Variants in OAS2 observed in about 807,000 individuals in gnomAD.
OAS2 encodes the protein 2'-5'-oligoadenylate synthetase 2, also known as 2'-5'-oligoadenylate synthase 2.
Under a neutral mutation model 71.3 loss-of-function variants are expected in OAS2, and 67 were observed. That is an observed-to-expected ratio of 0.94 (90% confidence interval 0.77 to 1.15). The LOEUF is 1.15. OAS2 is among the 50% of genes most tolerant of loss of function. The pLI is 0.00. For missense variants in OAS2, 789 were observed against 822.5 expected, an observed-to-expected ratio of 0.96 and a Z score of 0.50; for synonymous variants, 327 against 321.8, an observed-to-expected ratio of 1.02 and a Z score of -0.17.
chr12:113,010,469 T>C lies in OAS2; in HGVS notation c.*1214T>C. On this transcript the variant is annotated 3_prime_UTR_variant, in exon 10 of 10. Coordinates refer to ENST00000392583, the MANE Select transcript of OAS2 (RefSeq NM_002535.3). ...GCCATAGAATCCTGAATAATAATTC[T>C]AAAAGAAACTTCTAGAGATCATCTG... 1 of 1,613,582 alleles carries C rather than the reference T, an allele frequency of 6.2e-7. No homozygotes were observed. Among genetic ancestry groups the C allele is most frequent in the Non-Finnish European group, 8.5e-7 (1 of 1,179,856 alleles).
chr12:112,990,075 C>G (rs1350446452), intron 2 of OAS2, among the ~76,000 whole-genome samples: 1 of 152,184 alleles, frequency 6.6e-6, no homozygotes, highest in East Asian at 1.9e-4. Context: ...TTTCCATGCA[C>G]AAATATTGTG....
At chr12:112,999,247 C>T (rs2044262894) in intron 5 of OAS2, among the ~76,000 whole-genome samples, 1 of 152,200 alleles carries the variant, frequency 6.6e-6, no homozygotes, top group African/African-American at 2.4e-5. Flanking sequence ...CCTTCCCCCT[C>T]CCATCCCCAA....
At chr12:112,998,193 C>G (rs781120792) in intron 4 of OAS2, 73 bp from the exon 5 acceptor site, 1 of 1,546,948 alleles carries the variant, frequency 6.5e-7, no homozygotes, top group Non-Finnish European at 8.7e-7. Flanking sequence ...CACTCCAGGC[C>G]TCTTTCCCCA....
chr12:112,998,326 G>A lies in OAS2; in HGVS notation c.924G>A (p.Trp308Ter). 6.2e-7 allele frequency: 1 copy of A among 1,608,840 alleles called. No homozygotes were observed. Among genetic ancestry groups the A allele is most frequent in the Non-Finnish European group, 8.5e-7 (1 of 1,178,718 alleles). Reference sequence around the variant, plus strand: ...ATGTGAGTGGAGATAAAATATGCTGGCAATGGCTGAAAAAAGAAGCTCAAA... The same window carrying A: ...ATGTGAGTGGAGATAAAATATGCTGACAATGGCTGAAAAAAGAAGCTCAAA... ...TNNVSGDKIC[W>*]QWLKKEAQTW... The change falls in exon 5 of 10, where the codon TGG becomes TGA. Residue 308 changes from tryptophan (W) to a stop codon, truncating the protein, a stop_gained. Transcript: ENST00000392583. LOFTEE classifies it high-confidence loss of function.
At chr12:112,989,043 G>A (rs2044166912) in intron 2 of OAS2, among the ~76,000 whole-genome samples, 1 of 152,200 alleles carries the variant, frequency 6.6e-6, no homozygotes, top group African/African-American at 2.4e-5. Context: ...TTGTATACGT[G>A]GTATGGTTTG....
chr12:112,979,532 T>C (rs543979008), intron 1 of OAS2, among the ~76,000 whole-genome samples: 8 of 152,222 alleles, frequency 5.3e-5, no homozygotes, highest in Non-Finnish European at 8.8e-5. Flanking sequence ...GTTTGGTTAA[T>C]AGCTATTGTC....
In OAS2 at chr12:113,008,176, T is replaced by C. The variant is rs575029752; in HGVS notation, c.1895+233T>C. 2.0e-5 allele frequency among the ~76,000 whole-genome samples: 3 copies of C among 152,316 alleles called. No homozygotes were observed. The South Asian group carries it at 6.2e-4, about 32-fold the overall frequency. On this transcript the variant is annotated intron_variant, in intron 9 of 9. Coordinates refer to ENST00000392583, the MANE Select transcript of OAS2 (RefSeq NM_002535.3). The stretch of plus-strand genomic sequence containing the variant: ...CAAGATACCACGTCCCTGAGCTGCT[T>C]TCATCTAAGAGGTGTTAGAGTTGGA...
Position 113,009,586 on chromosome 12 carries a change from C to T in OAS2, c.*331C>T, listed in dbSNP as rs1249989678. ...TCTGCCTTTGGCTTTTGGCTCCACCCTCTTTAGCTGTTAATTTGAGTACTT... is the reference window on the plus strand; with the variant it reads ...TCTGCCTTTGGCTTTTGGCTCCACCTTCTTTAGCTGTTAATTTGAGTACTT... On this transcript the variant is annotated 3_prime_UTR_variant, in exon 10 of 10. Transcript: ENST00000392583. 2 of 1,033,296 alleles carry T rather than the reference C, an allele frequency of 1.9e-6. No individual in the cohort carries two copies. The highest frequency in any genetic ancestry group is 1.7e-5 in the African/African-American group (1 of 58,762). 64.0% of individuals were successfully genotyped at this position (1,033,296 alleles called of 1,614,324 possible).
chr12:112,995,401 A>G lies in OAS2; in HGVS notation c.554A>G (p.Gln185Arg), dbSNP rs1195926037. 17 of 1,614,202 alleles carry G rather than the reference A, an allele frequency of 1.1e-5. No homozygotes were observed. Among genetic ancestry groups the G allele is most frequent in the East Asian group, 2.2e-5 (1 of 44,884 alleles). Residue 185 changes from glutamine to arginine, a missense_variant, in exon 3 of 10, where the codon CAG becomes CGG. Gln to Arg is a conservative substitution (Grantham distance 43). Coordinates refer to ENST00000392583, the MANE Select transcript of OAS2 (RefSeq NM_002535.3). ...GEFAVCFTEL[Q>R]QKFFDNRPGK... ...TTTGCAGTCTGCTTCACTGAACTCC[A>G]GCAGAAGTTTTTTGACAACCGTCCT...
chr12:112,993,352 G>A (rs1384259970), intron 2 of OAS2, among the ~76,000 whole-genome samples: 1 of 152,142 alleles, frequency 6.6e-6, no homozygotes, highest in East Asian at 1.9e-4. Flanking sequence ...AATTGCAATT[G>A]CACTTGCCAG....
chr12:113,009,443 G>C lies in OAS2; in HGVS notation c.*188G>C. On this transcript the variant is annotated 3_prime_UTR_variant, in exon 10 of 10. Transcript: ENST00000392583. ...GCAGGTAACCCCAGATTCATGCACT[G>C]TAGGGTGCTGCGCAGCATCCCTAGT... 7.1e-7 allele frequency: 1 copy of C among 1,417,482 alleles called. No homozygotes were observed. Among genetic ancestry groups the C allele is most frequent in the Admixed American group, 2.9e-5 (1 of 33,994 alleles). The allele number at this position is 1,417,482 out of a possible 1,614,324, so 87.8% of individuals were successfully genotyped here. A position where few individuals can be genotyped will look rare whatever the true frequency, so the allele number is the denominator to read the frequency against.
At chr12:113,007,631 T>C (rs1030267956) in intron 8 of OAS2, 74 bp from the exon 9 acceptor site, 14 of 1,227,324 alleles carry the variant, frequency 1.1e-5, no homozygotes, top group Non-Finnish European at 1.5e-5. Context: ...TCAGTTGCCT[T>C]GCTGTGGTCC....
intron 2 of OAS2, among the ~76,000 whole-genome samples, chr12:112,993,541 T>C (rs901264085): frequency 6.6e-6 from 1 of 151,954 alleles, no homozygotes; most frequent in Admixed American, 6.6e-5. Context: ...TCCACTGGGG[T>C]GTATGAAAGG....
At chr12:113,004,296 C>T (rs1192196986) in intron 6 of OAS2, among the ~76,000 whole-genome samples, 3 of 152,188 alleles carry the variant, frequency 2.0e-5, no homozygotes, top group African/African-American at 7.2e-5. Flanking sequence ...TCCTCACCTC[C>T]TTAACCCATG....
intron 3 of OAS2, among the ~76,000 whole-genome samples, chr12:112,996,749 G>T (rs1238231982): frequency 1.3e-5 from 2 of 152,078 alleles, no homozygotes; most frequent in Non-Finnish European, 2.9e-5. Context: ...AAAAAGGTGG[G>T]ACGTCTCCAA....
intron 5 of OAS2, among the ~76,000 whole-genome samples, chr12:113,000,664 ACACACATG>A (rs1416089235): frequency 1.5e-4 from 22 of 151,668 alleles, no homozygotes; most frequent in African/African-American, 4.4e-4. Context: ...ACATGCACTC[ACACACATG>A]CACACATGCA....
chr12:112,987,352 G>A, intron 2 of OAS2, 44 bp downstream of exon 2: 1 of 1,609,936 alleles, frequency 6.2e-7, no homozygotes, highest in East Asian at 2.2e-5. Context: ...AAAGAAGCGG[G>A]TGCCAGACAG....
intron 3 of OAS2, among the ~76,000 whole-genome samples, chr12:112,996,729 G>A (rs2044236300): frequency 6.6e-6 from 1 of 152,080 alleles, no homozygotes; most frequent in African/African-American, 2.4e-5. Context: ...GCTGTACATT[G>A]GTTTGACCTA....
At chr12:113,006,278 G>A (rs147763727) in intron 7 of OAS2, 135 bp from the exon 8 acceptor site, 1 of 671,414 alleles carries the variant, frequency 1.5e-6, no homozygotes, top group South Asian at 4.1e-5. Flanking sequence ...CTGTGTCTTA[G>A]ACATCAGTCT....
Sources: gnomAD v4.1 joint callset for allele counts (sites outside exome capture counted in the v4.1 genomes callset) on GRCh38, gnomAD v4.1.1 for gene constraint, MANE v1.5 for transcripts, NCBI Gene and HGNC (gene_info 2026-07-23, HGNC 2026-07-21) for gene names.